Variants in PPP1R9A observed in about 807,000 individuals in gnomAD.
PPP1R9A encodes the protein protein phosphatase 1 regulatory subunit 9A, also known as neurabin-1.
A neutral mutation model predicts 141.9 loss-of-function variants in PPP1R9A; 59 were observed. The ratio of observed to expected loss-of-function variants is 0.42; its 90% CI spans 0.34 to 0.52. PPP1R9A has a LOEUF of 0.52. PPP1R9A is among the 20% of genes least tolerant of loss of function. The pLI, the probability that PPP1R9A is intolerant of heterozygous loss-of-function variation, is 0.10. For missense variants in PPP1R9A, 1,444 were observed against 1,611.9 expected (o/e 0.90, Z 1.78); for synonymous variants, 500 against 569.7 (o/e 0.88, Z 1.74).
chr7:95,167,681 A>G (rs1409496763), intron 5 of PPP1R9A, among the ~76,000 whole-genome samples: 2 of 152,206 alleles, frequency 1.3e-5, no homozygotes, highest in African/African-American at 4.8e-5. Context: ...CTTAGATCTG[A>G]TAAAACAAAT....
At chr7:95,181,322 TATATATAGA>T (rs1312965775) in intron 5 of PPP1R9A, among the ~76,000 whole-genome samples, 30 of 139,558 alleles carry the variant, frequency 2.1e-4, no homozygotes, top group East Asian at 4.0e-4. Context: ...ATATAGAATA[TATATATAGA>T]ATATATAGAA....
intron 2 of PPP1R9A, among the ~76,000 whole-genome samples, chr7:95,021,736 C>A (rs904408137): frequency 2.0e-5 from 3 of 152,052 alleles, no homozygotes; most frequent in Non-Finnish European, 4.4e-5. Context: ...AATCCTTTCC[C>A]CATTGGTTGT....
intron 2 of PPP1R9A, among the ~76,000 whole-genome samples, chr7:95,078,508 G>T (rs1815232663): frequency 6.6e-6 from 1 of 151,922 alleles, no homozygotes; most frequent in South Asian, 2.1e-4. Flanking sequence ...TAATGGGATG[G>T]CTGGGTCAAA....
At chr7:94,933,295 T>G (rs922201301) in intron 2 of PPP1R9A, among the ~76,000 whole-genome samples, 1 of 152,204 alleles carries the variant, frequency 6.6e-6, no homozygotes, top group Non-Finnish European at 1.5e-5. Context: ...GGCCTGCTAC[T>G]TCTCTGGAAA....
chr7:95,183,587 A>G (rs1391239078), intron 5 of PPP1R9A, among the ~76,000 whole-genome samples: 1 of 147,588 alleles, frequency 6.8e-6, no homozygotes, highest in Non-Finnish European at 1.5e-5. Flanking sequence ...AGTAGGTGGG[A>G]CTATAGGCGC....
chr7:95,206,049 C>G lies in PPP1R9A; in HGVS notation c.1956+2319C>G, dbSNP rs182847868. On this transcript the variant is annotated intron_variant, in intron 7 of 19. Transcript: ENST00000433360. ...CAACTTGGTGACTCACAGTAACATGCCTTCTTTTTAGTCATAACTGAATAA... is the reference window on the plus strand; with the variant it reads ...CAACTTGGTGACTCACAGTAACATGGCTTCTTTTTAGTCATAACTGAATAA... Among the ~76,000 whole-genome samples the G allele has an allele frequency of 4.6e-5, 7 of 152,222 alleles. No homozygotes were observed. The East Asian group carries it at 5.8e-4, about 13-fold the overall frequency.
intron 8 of PPP1R9A, among the ~76,000 whole-genome samples, chr7:95,243,767 A>C (rs1414624569): frequency 6.6e-6 from 1 of 152,074 alleles, no homozygotes; most frequent in Non-Finnish European, 1.5e-5. Flanking sequence ...CTGAACCATG[A>C]GGTTCACAAC....
chr7:94,919,907 A>T (rs1792577066), intron 2 of PPP1R9A, among the ~76,000 whole-genome samples: 3 of 152,148 alleles, frequency 2.0e-5, no homozygotes, highest in South Asian at 4.2e-4. Context: ...TCTTACCTGT[A>T]ATTGAGGCTG....
intron 7 of PPP1R9A, among the ~76,000 whole-genome samples, chr7:95,225,358 A>T (rs1256774756): frequency 6.6e-6 from 1 of 152,188 alleles, no homozygotes; most frequent in Non-Finnish European, 1.5e-5. Context: ...CAGAATACTC[A>T]GATTTGTAAA....
intron 7 of PPP1R9A, among the ~76,000 whole-genome samples, chr7:95,218,010 T>C (rs1467285512): frequency 6.6e-6 from 1 of 152,206 alleles, no homozygotes; most frequent in Non-Finnish European, 1.5e-5. Flanking sequence ...TGTCTTCTGC[T>C]AGCTTTTGAA....
At chr7:95,143,108 T>A (rs1826993072) in intron 4 of PPP1R9A, among the ~76,000 whole-genome samples, 1 of 152,124 alleles carries the variant, frequency 6.6e-6, no homozygotes. Context: ...ATTTAGCACA[T>A]TAGGGTTAGA....
chr7:95,196,249 G>A (rs1836262492), intron 5 of PPP1R9A, among the ~76,000 whole-genome samples: 1 of 152,038 alleles, frequency 6.6e-6, no homozygotes, highest in Non-Finnish European at 1.5e-5. Context: ...AGTCATCAGG[G>A]CAATGGAAAT....
chr7:95,107,783 G>A lies in PPP1R9A; in HGVS notation c.1396-3476G>A, dbSNP rs182992016. Reference sequence around the variant, plus strand: ...CTGCTTGTTAGTTTTCACGAAAAATGTAGGTAGGATTTTATTTTTTATTGT... The same window carrying A: ...CTGCTTGTTAGTTTTCACGAAAAATATAGGTAGGATTTTATTTTTTATTGT... On this transcript the variant is annotated intron_variant, in intron 2 of 19. Coordinates refer to ENST00000433360, the MANE Select transcript of PPP1R9A (RefSeq NM_001166160.2). Among the ~76,000 whole-genome samples the A allele has an allele frequency of 2.1e-4, 32 of 152,216 alleles. No homozygotes were observed. In the East Asian group the frequency reaches 6.0e-3, roughly 28 times the overall value.
intron 17 of PPP1R9A, among the ~76,000 whole-genome samples, chr7:95,285,943 T>C (rs1805233701): frequency 6.6e-6 from 1 of 152,200 alleles, no homozygotes; most frequent in Non-Finnish European, 1.5e-5. Flanking sequence ...CAGAGGATAA[T>C]GAATTCTGTA....
chr7:95,106,238 T>G (rs1229208556), intron 2 of PPP1R9A, among the ~76,000 whole-genome samples: 1 of 152,222 alleles, frequency 6.6e-6, no homozygotes, highest in Non-Finnish European at 1.5e-5. Context: ...CTATTTCATT[T>G]TATTTTCCTA....
At chr7:94,982,310 T>A (rs1220665421) in intron 2 of PPP1R9A, among the ~76,000 whole-genome samples, 1 of 151,860 alleles carries the variant, frequency 6.6e-6, no homozygotes, top group African/African-American at 2.4e-5. Flanking sequence ...TTTATAGTAG[T>A]ATGATTTATA....
intron 17 of PPP1R9A, among the ~76,000 whole-genome samples, chr7:95,285,289 T>A (rs1257092579): frequency 2.6e-5 from 4 of 152,232 alleles, no homozygotes; most frequent in Non-Finnish European, 2.9e-5. Flanking sequence ...TGCTTAGAGT[T>A]CCTGGAAATC....
chr7:94,926,675 G>A (rs1213268727), intron 2 of PPP1R9A, among the ~76,000 whole-genome samples: 2 of 150,640 alleles, frequency 1.3e-5, no homozygotes, highest in African/African-American at 2.4e-5. Flanking sequence ...GGTTTCTTTT[G>A]TTTTTTTTCA....
intron 2 of PPP1R9A, among the ~76,000 whole-genome samples, chr7:95,107,775 C>T (rs1312135052): frequency 1.3e-5 from 2 of 151,918 alleles, no homozygotes; most frequent in South Asian, 2.1e-4. Flanking sequence ...TTAGTTTTCA[C>T]GAAAAATGTA....
Sources: allele counts gnomAD v4.1 joint callset (sites outside exome capture counted in the v4.1 genomes callset), GRCh38; gene constraint gnomAD v4.1.1; transcripts MANE v1.5; gene names NCBI Gene and HGNC (gene_info 2026-07-23, HGNC 2026-07-21).